The following PLBD1 variants were observed in gnomAD, a reference collection of about 807,000 sequenced individuals.
PLBD1 encodes phospholipase B domain containing 1.
PLBD1 carries 60 observed loss-of-function variants against 63.0 expected under a neutral mutation model. The ratio of observed to expected loss-of-function variants is 0.95; its 90% CI spans 0.77 to 1.18. The LOEUF is 1.18. Ranked by LOEUF, PLBD1 falls within the 50% of genes most tolerant of loss-of-function variation. The pLI, the probability that PLBD1 is intolerant of heterozygous loss-of-function variation, is 0.00. For missense variants in PLBD1, 598 were observed against 677.9 expected (o/e 0.88, Z 1.31); for synonymous variants, 262 against 248.0 (o/e 1.06, Z -0.53).
intron 8 of PLBD1, among the ~76,000 whole-genome samples, chr12:14,511,009 A>T (rs1213738951): frequency 6.6e-6 from 1 of 152,274 alleles, no homozygotes; most frequent in Admixed American, 6.5e-5. Flanking sequence ...AGGTAACATT[A>T]GAACTATGAG....
intron 2 of PLBD1, among the ~76,000 whole-genome samples, chr12:14,545,021 C>G (rs1197486761): frequency 6.6e-6 from 1 of 151,936 alleles, no homozygotes; most frequent in African/African-American, 2.4e-5. Context: ...GTCTCTCTCC[C>G]TCTCTCCCTC....
chr12:14,507,417 C>T (rs910734413), intron 8 of PLBD1, among the ~76,000 whole-genome samples: 4 of 152,184 alleles, frequency 2.6e-5, no homozygotes, highest in African/African-American at 7.2e-5. Flanking sequence ...ACCATATTCT[C>T]TATAGAGCAA....
chr12:14,541,058 G>A (rs1945567498), intron 3 of PLBD1, among the ~76,000 whole-genome samples, 156 bp from the exon 4 acceptor site: 1 of 152,122 alleles, frequency 6.6e-6, no homozygotes, highest in Non-Finnish European at 1.5e-5. Context: ...GGACTTCAGG[G>A]CAAATTCTAA....
chr12:14,512,087 G>A (rs1192019993), intron 6 of PLBD1, among the ~76,000 whole-genome samples: 2 of 151,908 alleles, frequency 1.3e-5, no homozygotes, highest in African/African-American at 4.8e-5. Flanking sequence ...TCATTAGTAA[G>A]AATATAAATG....
chr12:14,514,076 G>T (rs1172361311), intron 6 of PLBD1, among the ~76,000 whole-genome samples: 1 of 152,086 alleles, frequency 6.6e-6, no homozygotes, highest in African/African-American at 2.4e-5. Context: ...ACCGTGCCCG[G>T]CCCCAACTAA....
chr12:14,524,690 C>T (rs1261820887), intron 6 of PLBD1, among the ~76,000 whole-genome samples: 7 of 152,062 alleles, frequency 4.6e-5, no homozygotes, highest in Admixed American at 4.6e-4. Flanking sequence ...ATGGTATTTG[C>T]TATATTTGTC....
At chr12:14,548,457 CAAAAAAAAAA>C (rs56119793) in intron 2 of PLBD1, among the ~76,000 whole-genome samples, 17 of 68,372 alleles carry the variant, frequency 2.5e-4, no homozygotes, top group Admixed American at 6.1e-4. Flanking sequence ...ACTCCATCTC[CAAAAAAAAAA>C]AAAAAAAAAA....
intron 6 of PLBD1, among the ~76,000 whole-genome samples, chr12:14,519,545 G>C (rs1274075160): frequency 6.6e-6 from 1 of 151,778 alleles, no homozygotes; most frequent in Non-Finnish European, 1.5e-5. Flanking sequence ...CATGAACCTG[G>C]GAGGCAGAGG....
chr12:14,506,066 C>T (rs985313544), intron 10 of PLBD1, 96 bp downstream of exon 10: 46 of 731,278 alleles, frequency 6.3e-5, no homozygotes, highest in African/African-American at 5.0e-4. Context: ...TTATGGTTAG[C>T]GACATCGCTT....
intron 2 of PLBD1, 80 bp downstream of exon 2, chr12:14,553,113 C>G (rs1168749637): frequency 8.1e-7 from 1 of 1,241,208 alleles, no homozygotes; most frequent in Non-Finnish European, 1.2e-6. Flanking sequence ...TGTGCAATGC[C>G]AGGAAGATGA....
chr12:14,511,165 C>T, intron 8 of PLBD1, 95 bp downstream of exon 8: 1 of 1,031,408 alleles, frequency 9.7e-7, no homozygotes, highest in Non-Finnish European at 1.4e-6. Flanking sequence ...ACCATACCCT[C>T]CCCCACCACA....
rs529800560 is a variant in PLBD1, at chr12:14,541,618, T to C, written c.419+590A>G. 3.4e-3 allele frequency among the ~76,000 whole-genome samples: 523 copies of C among 152,202 alleles called. 5 individuals carry two copies. Among genetic ancestry groups the C allele is most frequent in the Non-Finnish European group, 5.0e-3 (339 of 68,040 alleles). ...CCAGTGGTTTTTAACTGAAGCTCTATAGGACTTTAAGCATTTCATGAAGAG... is the reference window on the plus strand; with the variant it reads ...CCAGTGGTTTTTAACTGAAGCTCTACAGGACTTTAAGCATTTCATGAAGAG... On this transcript the variant is annotated intron_variant, in intron 3 of 10. Transcript: ENST00000240617.
intron 2 of PLBD1, among the ~76,000 whole-genome samples, chr12:14,548,775 T>G (rs959423388): frequency 3.3e-5 from 5 of 152,202 alleles, no homozygotes; most frequent in Admixed American, 2.6e-4. Context: ...CTATCCTCAG[T>G]GCCACGCACA....
rs375246561 is a variant in PLBD1 at position 14,562,331 on chromosome 12, A to T, written c.115+5251T>A. 5.4e-4 allele frequency among the ~76,000 whole-genome samples: 82 copies of T among 152,128 alleles called. 1 individual carries two copies. Among genetic ancestry groups the T allele is most frequent in the African/African-American group, 1.9e-3 (78 of 41,512 alleles). On this transcript the variant is annotated intron_variant, in intron 1 of 10. Coordinates refer to ENST00000240617, the MANE Select transcript of PLBD1 (RefSeq NM_024829.6). ...AAAAATTAGCCAGGTGCGGTGGCACATGCTTGTAATCCCAGCTACCTGGGA... is the reference window on the plus strand; with the variant it reads ...AAAAATTAGCCAGGTGCGGTGGCACTTGCTTGTAATCCCAGCTACCTGGGA...
chr12:14,528,190 T>A (rs1945431460), intron 6 of PLBD1, among the ~76,000 whole-genome samples: 1 of 152,120 alleles, frequency 6.6e-6, no homozygotes, highest in South Asian at 2.1e-4. Flanking sequence ...AGAAAATCAG[T>A]TAAGAGTATA....
At chr12:14,540,654 T>C in intron 4 of PLBD1, 110 bp downstream of exon 4, 1 of 1,166,566 alleles carries the variant, frequency 8.6e-7, no homozygotes, top group Non-Finnish European at 1.2e-6. Context: ...AAGGAATTTA[T>C]ACTGTAGTTC....
intron 6 of PLBD1, among the ~76,000 whole-genome samples, chr12:14,532,511 C>G (rs1186393167): frequency 6.6e-6 from 1 of 152,130 alleles, no homozygotes; most frequent in Non-Finnish European, 1.5e-5. Context: ...CACCCCAGGT[C>G]ATCGTGTGAC....
intron 1 of PLBD1, among the ~76,000 whole-genome samples, chr12:14,556,410 T>C (rs894088693): frequency 1.3e-5 from 2 of 151,144 alleles, no homozygotes; most frequent in Non-Finnish European, 2.9e-5. Flanking sequence ...CCCTCTGTCA[T>C]CCAGGGTGGA....
At chr12:14,534,511 G>A (rs1007070695) in intron 6 of PLBD1, among the ~76,000 whole-genome samples, 2 of 150,866 alleles carry the variant, frequency 1.3e-5, no homozygotes, top group Non-Finnish European at 3.0e-5. Flanking sequence ...TCATATGTTT[G>A]CTACCATTGT....
Sources: allele counts gnomAD v4.1 joint callset (sites outside exome capture counted in the v4.1 genomes callset), GRCh38; gene constraint gnomAD v4.1.1; transcripts MANE v1.5; gene names NCBI Gene and HGNC (gene_info 2026-07-23, HGNC 2026-07-21).